Variants in CCDC102B observed in about 807,000 individuals in gnomAD.
The protein encoded by CCDC102B is coiled-coil domain containing 102B, also known as coiled-coil domain-containing protein 102B.
A neutral mutation model predicts 57.4 loss-of-function variants in CCDC102B; 75 were observed. The observed-to-expected ratio is 1.31, with a 90% CI of 1.08 to 1.58. The LOEUF (loss-of-function observed/expected upper bound fraction) is 1.58, where lower values mean the gene tolerates loss of function less well. Ranked by LOEUF, CCDC102B falls within the 40% of genes most tolerant of loss-of-function variation. CCDC102B has a pLI of 0.00. For missense variants in CCDC102B, 636 were observed against 582.6 expected (o/e 1.09, Z -0.94); for synonymous variants, 206 against 201.9 (o/e 1.02, Z -0.17).
chr18:68,985,093 G>A (rs2050689776), intron 6 of CCDC102B, among the ~76,000 whole-genome samples: 1 of 152,050 alleles, frequency 6.6e-6, no homozygotes, highest in Admixed American at 6.6e-5. Context: ...TACACAATTT[G>A]TATACCTGTA....
At chr18:68,761,388 T>C (rs2034249040) in intron 2 of CCDC102B, among the ~76,000 whole-genome samples, 1 of 152,074 alleles carries the variant, frequency 6.6e-6, no homozygotes. Context: ...AGTTTTTAAG[T>C]TGCTGTGTGA....
At chr18:69,046,749 A>G (rs531677619) in intron 7 of CCDC102B, among the ~76,000 whole-genome samples, 79 of 152,192 alleles carry the variant, frequency 5.2e-4, no homozygotes, top group African/African-American at 1.8e-3. Flanking sequence ...AGTCTTTATA[A>G]TCCATCTTGA....
intron 7 of CCDC102B, among the ~76,000 whole-genome samples, chr18:69,032,536 G>A (rs1006274379): frequency 1.3e-5 from 2 of 152,114 alleles, no homozygotes; most frequent in African/African-American, 4.8e-5. Context: ...GTTATAAATA[G>A]CATGTCCTTA....
intron 7 of CCDC102B, among the ~76,000 whole-genome samples, chr18:69,052,533 T>C (rs2052734712): frequency 6.6e-6 from 1 of 151,906 alleles, no homozygotes; most frequent in South Asian, 2.1e-4. Flanking sequence ...TGTGTGCACG[T>C]GTGTATCAAC....
At chr18:68,953,109 T>C (rs1317643214) in intron 6 of CCDC102B, among the ~76,000 whole-genome samples, 1 of 151,718 alleles carries the variant, frequency 6.6e-6, no homozygotes, top group African/African-American at 2.4e-5. Flanking sequence ...CTGAAAAGAG[T>C]CTCAGAATAC....
At chr18:69,008,393 C>T (rs1282407066) in intron 6 of CCDC102B, among the ~76,000 whole-genome samples, 3 of 152,182 alleles carry the variant, frequency 2.0e-5, no homozygotes, top group South Asian at 2.1e-4. Flanking sequence ...ACCCAGAAAA[C>T]GAGTTCGAGT....
intron 2 of CCDC102B, among the ~76,000 whole-genome samples, chr18:68,741,694 CACACACACACACACACACA>C (rs1239835561): frequency 2.0e-5 from 3 of 147,570 alleles, no homozygotes; most frequent in Admixed American, 2.0e-4. Flanking sequence ...CACACACACA[CACACACACACACACACACA>C]CCCCAAGACA....
At chr18:69,033,549 C>A (rs959849248) in intron 7 of CCDC102B, among the ~76,000 whole-genome samples, 1 of 151,994 alleles carries the variant, frequency 6.6e-6, no homozygotes, top group African/African-American at 2.4e-5. Flanking sequence ...GAATATGTGA[C>A]CTTTTGTGAC....
chr18:68,777,992 G>A (rs61409065), intron 2 of CCDC102B, among the ~76,000 whole-genome samples: 3,662 of 152,070 alleles, frequency 0.024, 139 homozygotes, highest in African/African-American at 0.083. Flanking sequence ...CTTGCATAAG[G>A]GTATTCATTA....
intron 4 of CCDC102B, among the ~76,000 whole-genome samples, chr18:68,870,428 A>T (rs371972455): frequency 1.3e-4 from 20 of 152,306 alleles, no homozygotes; most frequent in South Asian, 2.1e-4. Flanking sequence ...CCCAACCTAA[A>T]TGGAAAGTAT....
At chr18:68,735,572 C>G (rs1156230105) in intron 2 of CCDC102B, among the ~76,000 whole-genome samples, 1 of 152,136 alleles carries the variant, frequency 6.6e-6, no homozygotes, top group Non-Finnish European at 1.5e-5. Flanking sequence ...TAAAATTTCT[C>G]TCTAGCATTT....
intron 7 of CCDC102B, among the ~76,000 whole-genome samples, chr18:69,014,590 C>T (rs2051609269): frequency 6.6e-6 from 1 of 151,254 alleles, no homozygotes; most frequent in African/African-American, 2.4e-5. Context: ...ATTGGGCAAG[C>T]ATGTGTGTGT....
chr18:68,918,895 G>A (rs1238825411), intron 6 of CCDC102B, among the ~76,000 whole-genome samples: 1 of 152,044 alleles, frequency 6.6e-6, no homozygotes. Flanking sequence ...GAGAATTGAT[G>A]TCTTATTTTG....
At chr18:68,853,773 G>A (rs1382015359) in intron 4 of CCDC102B, among the ~76,000 whole-genome samples, 4 of 148,248 alleles carry the variant, frequency 2.7e-5, no homozygotes, top group East Asian at 2.0e-4. Flanking sequence ...TCCATTAGGC[G>A]GCCCTCTTCT....
chr18:68,896,422 T>G (rs1001652452), intron 5 of CCDC102B, among the ~76,000 whole-genome samples: 1 of 151,980 alleles, frequency 6.6e-6, no homozygotes, highest in Admixed American at 6.6e-5. Flanking sequence ...CATGCAGCCT[T>G]GGTTGAGAAC....
At chr18:68,836,263 C>G (rs534902832) in intron 1 of CCDC102B, among the ~76,000 whole-genome samples, 1 of 152,104 alleles carries the variant, frequency 6.6e-6, no homozygotes, top group Non-Finnish European at 1.5e-5. Flanking sequence ...CGAGCATTTT[C>G]TGTTTCTTAG....
At chr18:68,952,854 G>A (rs2145200665) in intron 6 of CCDC102B, among the ~76,000 whole-genome samples, 1 of 152,218 alleles carries the variant, frequency 6.6e-6, no homozygotes, top group East Asian at 1.9e-4. Flanking sequence ...GTTTGAATTT[G>A]CATTGTTTAT....
At chr18:68,864,636 T>C (rs1035529378) in intron 4 of CCDC102B, among the ~76,000 whole-genome samples, 1 of 152,052 alleles carries the variant, frequency 6.6e-6, no homozygotes, top group Admixed American at 6.6e-5. Context: ...ACTACTTCAT[T>C]GTCAGTAGCA....
chr18:68,996,034 G>C (rs79276821), intron 6 of CCDC102B, among the ~76,000 whole-genome samples: 3,150 of 152,264 alleles, frequency 0.021, 106 homozygotes, highest in East Asian at 0.15. Context: ...TAAGATTTGT[G>C]ATGGTTAATA....
Sources: allele counts gnomAD v4.1 joint callset (sites outside exome capture counted in the v4.1 genomes callset), GRCh38; gene constraint gnomAD v4.1.1; transcripts MANE v1.5; gene names NCBI Gene and HGNC (gene_info 2026-07-23, HGNC 2026-07-21).